The following SEMA5A variants were observed in gnomAD, a reference collection of about 807,000 sequenced individuals.
SEMA5A encodes the protein semaphorin 5A.
A neutral mutation model predicts 135.5 loss-of-function variants in SEMA5A; 55 were observed. The ratio of observed to expected loss-of-function variants is 0.41; its 90% CI spans 0.33 to 0.51. The LOEUF (loss-of-function observed/expected upper bound fraction) is 0.51. Among genes scored for constraint, SEMA5A ranks in the 20% least tolerant of loss-of-function variants. The probability of loss-of-function intolerance (pLI) is 0.37; values close to 1 mark genes in which losing one functional copy is unlikely to be tolerated. For synonymous variants in SEMA5A, 580 were observed against 546.5 expected (o/e 1.06, Z -0.85); for missense variants, 1,290 against 1,419.9 (o/e 0.91, Z 1.47).
intron 5 of SEMA5A, among the ~76,000 whole-genome samples, chr5:9,286,515 C>T (rs932060858): frequency 7.9e-5 from 12 of 152,122 alleles, no homozygotes; most frequent in South Asian, 2.1e-4. Flanking sequence ...CTTTGGGCAA[C>T]GGATATTTGC....
intron 1 of SEMA5A, among the ~76,000 whole-genome samples, chr5:9,511,633 A>G (rs1329577364): frequency 6.6e-6 from 1 of 152,214 alleles, no homozygotes; most frequent in East Asian, 1.9e-4. Flanking sequence ...ATTCTACCAC[A>G]TGGTGACTAA....
At chr5:9,368,855 G>A (rs1204841619) in intron 3 of SEMA5A, among the ~76,000 whole-genome samples, 3 of 152,136 alleles carry the variant, frequency 2.0e-5, no homozygotes, top group East Asian at 1.9e-4. Flanking sequence ...TAAACCCTTG[G>A]ATACAAATCT....
chr5:9,062,087 A>G (rs1391457180), intron 18 of SEMA5A, among the ~76,000 whole-genome samples: 2 of 152,166 alleles, frequency 1.3e-5, no homozygotes, highest in Non-Finnish European at 2.9e-5. Context: ...ATCAGGCACA[A>G]CAACTAGAGT....
In SEMA5A at chr5:9,135,217, G is replaced by C. The variant is rs1352676771; in HGVS notation, c.1599+1287C>G. Among the ~76,000 whole-genome samples, 6 of 127,266 alleles carry C rather than the reference G, an allele frequency of 4.7e-5. 1 individual carries two copies. Among genetic ancestry groups the C allele is most frequent in the Non-Finnish European group, 9.4e-5 (6 of 63,560 alleles). 83.5% of individuals were successfully genotyped at this position (127,266 alleles called of 152,430 possible). On this transcript the variant is annotated intron_variant, in intron 13 of 22. Coordinates refer to ENST00000382496, the MANE Select transcript of SEMA5A (RefSeq NM_003966.3). Reference sequence around the variant, plus strand: ...TTTTTTTGAGATGGAGTTTCGCTCTGTCGCCCAGGCTGGAGTGCAGTGGCA... The same window carrying C: ...TTTTTTTGAGATGGAGTTTCGCTCTCTCGCCCAGGCTGGAGTGCAGTGGCA...
At chr5:9,271,227 C>T (rs1749957628) in intron 5 of SEMA5A, among the ~76,000 whole-genome samples, 2 of 152,250 alleles carry the variant, frequency 1.3e-5, no homozygotes, top group South Asian at 4.2e-4. Flanking sequence ...TGCTTGCTTA[C>T]CCTTTGCCTT....
In SEMA5A at chr5:9,122,636, G is replaced by C. The variant is rs182387428; in HGVS notation, c.1781+20C>G. ...AGTTTAATACACAGCAGCACAACTG[G>C]CGTGTTCTGAGCGGCACACCTGGAA... On this transcript the variant is annotated intron_variant, in intron 14 of 22. Transcript: ENST00000382496. The C allele has an allele frequency of 2.6e-6, 4 of 1,549,378 alleles. No individual in the cohort carries two copies. The highest frequency in any genetic ancestry group is 3.5e-6 in the Non-Finnish European group (4 of 1,141,778).
At chr5:9,182,121 T>G (rs1744547597) in intron 11 of SEMA5A, among the ~76,000 whole-genome samples, 1 of 151,566 alleles carries the variant, frequency 6.6e-6, no homozygotes, top group African/African-American at 2.4e-5. Context: ...ATTTAACATT[T>G]AATGCAACTG....
chr5:9,080,810 G>A (rs1021869559), intron 16 of SEMA5A, among the ~76,000 whole-genome samples: 1 of 152,128 alleles, frequency 6.6e-6, no homozygotes, highest in Non-Finnish European at 1.5e-5. Flanking sequence ...ACGCAGCTCT[G>A]ATCTGAGGGG....
At chr5:9,500,251 G>A (rs969916212) in intron 1 of SEMA5A, among the ~76,000 whole-genome samples, 1 of 152,160 alleles carries the variant, frequency 6.6e-6, no homozygotes, top group African/African-American at 2.4e-5. Flanking sequence ...ATTAAATGCA[G>A]CGCATGGCTT....
chr5:9,440,569 T>C (rs1476375156), intron 1 of SEMA5A, among the ~76,000 whole-genome samples: 1 of 152,224 alleles, frequency 6.6e-6, no homozygotes, highest in Admixed American at 6.5e-5. Flanking sequence ...TGCAGAACTA[T>C]CTTGACGACA....
intron 12 of SEMA5A, among the ~76,000 whole-genome samples, chr5:9,154,045 CAAAAA>C (rs1157417525): frequency 0.031 from 1,070 of 34,118 alleles, 37 homozygotes; most frequent in African/African-American, 0.12. Flanking sequence ...GACTGTGTCT[CAAAAA>C]AAAAAAAAAA....
At chr5:9,528,817 T>G (rs460887) in intron 1 of SEMA5A, among the ~76,000 whole-genome samples, 51,974 of 152,120 alleles carry the variant, frequency 0.34, 9,082 homozygotes, top group East Asian at 0.4. Context: ...TGAGTTTACC[T>G]ATTTAATGCA....
chr5:9,419,429 T>C (rs191367040), intron 2 of SEMA5A, among the ~76,000 whole-genome samples: 136 of 152,132 alleles, frequency 8.9e-4, no homozygotes, highest in African/African-American at 2.2e-3. Context: ...AGGGGAAAGA[T>C]AGAGGAAGGG....
At chr5:9,309,572 T>C (rs561722109) in intron 5 of SEMA5A, among the ~76,000 whole-genome samples, 109 of 152,166 alleles carry the variant, frequency 7.2e-4, no homozygotes, top group Admixed American at 5.8e-3. Flanking sequence ...GAGGCATGGA[T>C]TGAAGACGGG....
chr5:9,326,546 G>A (rs866166369), intron 4 of SEMA5A, among the ~76,000 whole-genome samples: 21 of 151,702 alleles, frequency 1.4e-4, no homozygotes, highest in Admixed American at 2.0e-4. Context: ...GAGGGAGGCC[G>A]AAGCAGACAG....
intron 5 of SEMA5A, among the ~76,000 whole-genome samples, chr5:9,271,994 C>A (rs67663839): frequency 0.38 from 58,054 of 151,864 alleles, 11,535 homozygotes; most frequent in South Asian, 0.44. Context: ...CCAGTGGCAC[C>A]TGGAGCACCA....
At position 9,348,875 on chromosome 5, in the gene SEMA5A, G is replaced by A. The variant is rs75340398; in HGVS notation, c.125-11063C>T. 1.1e-4 allele frequency among the ~76,000 whole-genome samples: 17 copies of A among 152,246 alleles called. 1 individual carries two copies. In the East Asian group the frequency reaches 3.1e-3, roughly 28 times the overall value. On this transcript the variant is annotated intron_variant, in intron 3 of 22. Coordinates refer to ENST00000382496, the MANE Select transcript of SEMA5A (RefSeq NM_003966.3). ...GATTTCTTAGAGCCTTAGGGTGTGT[G>A]GTTTTAAAATATCCAGAATAGTTCT...
At chr5:9,316,161 C>A (rs1204234517) in intron 5 of SEMA5A, among the ~76,000 whole-genome samples, 4 of 152,076 alleles carry the variant, frequency 2.6e-5, no homozygotes, top group Non-Finnish European at 5.9e-5. Flanking sequence ...AATCAAATTG[C>A]CCCAGATTTC....
chr5:9,050,331 T>A (rs556333654), intron 21 of SEMA5A, 79 bp downstream of exon 21: 7 of 1,343,632 alleles, frequency 5.2e-6, no homozygotes, highest in South Asian at 1.5e-5. Flanking sequence ...GGCAGAAAAA[T>A]TATAGAAAAC....
Sources: allele counts gnomAD v4.1 joint callset (sites outside exome capture counted in the v4.1 genomes callset), GRCh38; gene constraint gnomAD v4.1.1; transcripts MANE v1.5; gene names NCBI Gene and HGNC (gene_info 2026-07-23, HGNC 2026-07-21).